The following SLC2A7 variants were observed in gnomAD, a reference collection of about 807,000 sequenced individuals.
SLC2A7 encodes the protein solute carrier family 2 member 7.
Under a neutral mutation model 50.5 loss-of-function variants are expected in SLC2A7, and 50 were observed. The observed-to-expected ratio is 0.99, with a 90% confidence interval of 0.79 to 1.25. The LOEUF (loss-of-function observed/expected upper bound fraction) is 1.25, where lower values mean the gene tolerates loss of function less well. Among genes scored for constraint, SLC2A7 ranks in the 50% most tolerant of loss-of-function variants. SLC2A7 has a pLI of 0.00. For missense variants in SLC2A7, 683 were observed against 679.1 expected (o/e 1.01, Z -0.06); for synonymous variants, 308 against 300.4 (o/e 1.03, Z -0.26).
intron 8 of SLC2A7, among the ~76,000 whole-genome samples, chr1:9,010,847 T>C (rs1318476340): frequency 1.3e-5 from 2 of 152,232 alleles, no homozygotes; most frequent in Non-Finnish European, 2.9e-5. Context: ...CTAGTTTCTG[T>C]GTTTGATGCT....
intron 11 of SLC2A7, among the ~76,000 whole-genome samples, chr1:9,003,768 G>A (rs535076011): frequency 1.4e-4 from 22 of 152,300 alleles, no homozygotes; most frequent in African/African-American, 5.1e-4. Flanking sequence ...TGAGGCAGGA[G>A]AATCGCTTGA....
At chr1:8,998,336 T>C (rs926070877), downstream of SLC2A7, among the ~76,000 whole-genome samples, 4 of 149,268 alleles carry the variant, frequency 2.7e-5, no homozygotes, top group African/African-American at 7.4e-5. Context: ...ACCCAGGAGG[T>C]GGAGGTTGCA....
Position 9,014,810 on chromosome 1 carries a change from C to A in SLC2A7, c.774G>T (p.Ala258=). ...DMEAELEDMR[A]EARAERAEGH... ...CCTCGGCGCGCTCGGCCCGGGCCTC[C>A]GCACGCATGTCCTCCAGCTCGGCCT... Residue 258 remains alanine (A), a synonymous_variant, in exon 7 of 12, where the codon GCG becomes GCT. Coordinates refer to ENST00000400906, the MANE Select transcript of SLC2A7 (RefSeq NM_207420.3). 2 of 1,604,734 alleles carry A rather than the reference C, an allele frequency of 1.2e-6. No homozygotes were observed. Among genetic ancestry groups the A allele is most frequent in the Non-Finnish European group, 1.7e-6 (2 of 1,176,572 alleles).
chr1:8,997,080 T>C, the SLC2A7 span, among the ~76,000 whole-genome samples: 1 of 151,962 alleles, frequency 6.6e-6, no homozygotes, highest in Admixed American at 6.6e-5. Context: ...ACCCGGCCAA[T>C]GTTGAGGATC....
At position 9,022,863 on chromosome 1, in the gene SLC2A7, A is replaced by C; in HGVS notation, c.311+55T>G. On this transcript the variant is annotated intron_variant, in intron 3 of 11. Coordinates refer to ENST00000400906, the MANE Select transcript of SLC2A7 (RefSeq NM_207420.3). ...CCACCAGGTGCACAAATGCCCAGAG[A>C]CAGTGTGGCTTACTAGCATGAATTT... The C allele has an allele frequency of 1.5e-5, 24 of 1,593,670 alleles. 1 individual carries two copies. In the South Asian group the frequency reaches 2.6e-4, roughly 17 times the overall value.
At chr1:9,010,308 C>T in intron 8 of SLC2A7, 64 bp from the exon 9 acceptor site, 1 of 1,317,950 alleles carries the variant, frequency 7.6e-7, no homozygotes, top group African/African-American at 1.5e-5. Flanking sequence ...TTGGGCCGAG[C>T]CTCCACTTCC....
At chr1:9,019,423 C>G in intron 3 of SLC2A7, 90 bp from the exon 4 acceptor site, 3 of 1,539,064 alleles carry the variant, frequency 1.9e-6, no homozygotes, top group Middle Eastern at 1.9e-4. Context: ...GCAGTCACTA[C>G]AGAGGCGCGG....
intron 1 of SLC2A7, 95 bp from the exon 2 acceptor site, chr1:9,025,169 G>C: frequency 3.1e-6 from 4 of 1,302,262 alleles, no homozygotes; most frequent in Non-Finnish European, 4.3e-6. Flanking sequence ...TGGGCTGGAA[G>C]TGGGGGATGG....
intron 8 of SLC2A7, among the ~76,000 whole-genome samples, chr1:9,011,076 G>A (rs1214573954): frequency 6.6e-6 from 1 of 151,352 alleles, no homozygotes; most frequent in Non-Finnish European, 1.5e-5. Context: ...CACAGCCCCT[G>A]TGGTCCCCGA....
At chr1:9,021,102 C>T (rs548198337) in intron 3 of SLC2A7, among the ~76,000 whole-genome samples, 3 of 152,274 alleles carry the variant, frequency 2.0e-5, no homozygotes, top group African/African-American at 4.8e-5. Flanking sequence ...CTCCGCCTCC[C>T]GGGTTCAAGC....
At chr1:9,026,117 A>C (rs1640997052) in intron 1 of SLC2A7, among the ~76,000 whole-genome samples, 178 bp downstream of exon 1, 1 of 152,240 alleles carries the variant, frequency 6.6e-6, no homozygotes, top group Non-Finnish European at 1.5e-5. Flanking sequence ...TGTCTGAGCC[A>C]TGAGGTTTGA....
chr1:8,994,413 C>T, the SLC2A7 span, among the ~76,000 whole-genome samples: 4 of 152,162 alleles, frequency 2.6e-5, no homozygotes, highest in East Asian at 1.9e-4. Flanking sequence ...TGGCCGGCAG[C>T]GTGACTCAGC....
At chr1:9,006,091 C>G (rs1401454076) in intron 10 of SLC2A7, among the ~76,000 whole-genome samples, 1 of 152,208 alleles carries the variant, frequency 6.6e-6, no homozygotes, top group Non-Finnish European at 1.5e-5. Context: ...CTGATCACCC[C>G]GTTCTTGGAG....
the SLC2A7 span, among the ~76,000 whole-genome samples, chr1:8,993,793 A>G: frequency 6.6e-6 from 1 of 151,852 alleles, no homozygotes; most frequent in South Asian, 2.1e-4. Context: ...ATGCCCGGCT[A>G]CTTTTTTTTT....
intron 11 of SLC2A7, 58 bp downstream of exon 11, chr1:9,004,694 A>C (rs1424362055): frequency 1.4e-5 from 22 of 1,594,736 alleles, no homozygotes; most frequent in Non-Finnish European, 1.9e-5. Context: ...CGGAAGGGGA[A>C]TACATCTTAC....
chr1:9,013,980 T>G (rs973487572), intron 7 of SLC2A7, among the ~76,000 whole-genome samples: 17 of 152,322 alleles, frequency 1.1e-4, no homozygotes, highest in Admixed American at 5.2e-4. Flanking sequence ...TACCTCTCAC[T>G]CTGGGCCAAG....
chr1:9,010,314 C>A (rs1640728042), intron 8 of SLC2A7, 70 bp from the exon 9 acceptor site: 2 of 1,299,428 alleles, frequency 1.5e-6, no homozygotes, highest in African/African-American at 1.5e-5. Context: ...CGAGCCTCCA[C>A]TTCCTTTTGT....
At chr1:9,000,136 A>C (rs948760528), downstream of SLC2A7, among the ~76,000 whole-genome samples, 1 of 152,158 alleles carries the variant, frequency 6.6e-6, no homozygotes, top group African/African-American at 2.4e-5. Context: ...GGTTTAAACT[A>C]TCTCTGCAAA....
Position 9,008,982 on chromosome 1 carries a change from C to G in SLC2A7, c.1116+1161G>C, listed in dbSNP as rs1640701407. ...ATTTATGAGCATCACTAACACTGTT[C>G]GTCGCCAGGCCTTGCTTTCCCCGCA... On this transcript the variant is annotated intron_variant, in intron 9 of 11. Transcript: ENST00000400906. This position sits in a 1 kb window ranked among gnomAD's most constrained non-coding sequence, Gnocchi z 5.9. Among the ~76,000 whole-genome samples the G allele has an allele frequency of 6.6e-6, 1 of 152,218 alleles. No individual in the cohort carries two copies. The highest frequency in any genetic ancestry group is 2.4e-5 in the African/African-American group (1 of 41,462).
Sources: gnomAD v4.1 joint callset for allele counts (sites outside exome capture counted in the v4.1 genomes callset) on GRCh38, gnomAD v4.1.1 for gene constraint, Gnocchi (gnomAD v3.1) non-coding constraint, MANE v1.5 for transcripts, NCBI Gene and HGNC (gene_info 2026-07-23, HGNC 2026-07-21) for gene names.